DIPK1A: variants seen among roughly 807,000 people sequenced by gnomAD.
The protein encoded by DIPK1A is divergent protein kinase domain 1A.
In DIPK1A, 27 loss-of-function variants were observed where a neutral mutation model predicts 40.8. The observed-to-expected ratio is 0.66, with a 90% CI of 0.49 to 0.91. The LOEUF (loss-of-function observed/expected upper bound fraction) is 0.91, where lower values mean the gene tolerates loss of function less well. Among genes scored for constraint, DIPK1A ranks in the 40% least tolerant of loss-of-function variants. The pLI, the probability that DIPK1A is intolerant of heterozygous loss-of-function variation, is 0.00. For missense variants in DIPK1A, 412 were observed against 505.7 expected, an observed-to-expected ratio of 0.81 and a Z score of 1.78; for synonymous variants, 166 against 171.3, an observed-to-expected ratio of 0.97 and a Z score of 0.24.
chr1:92,865,599 T>C (rs1647497858), intron 2 of DIPK1A, among the ~76,000 whole-genome samples: 1 of 152,186 alleles, frequency 6.6e-6, no homozygotes, highest in African/African-American at 2.4e-5. Flanking sequence ...TAAAAGCCTA[T>C]TATCCATCTC....
intron 1 of DIPK1A, among the ~76,000 whole-genome samples, chr1:92,891,391 T>C (rs1176700063): frequency 1.3e-5 from 2 of 151,840 alleles, no homozygotes; most frequent in Non-Finnish European, 1.5e-5. Context: ...TGTTAATTCA[T>C]TTATTTAAAA....
intron 1 of DIPK1A, among the ~76,000 whole-genome samples, chr1:92,883,434 T>G (rs1648469763): frequency 6.6e-6 from 1 of 152,168 alleles, no homozygotes; most frequent in Admixed American, 6.5e-5. Flanking sequence ...TCTAAAAACT[T>G]GGAGGCTTAA....
chr1:92,839,563 C>G (rs1687270773), downstream of DIPK1A, among the ~76,000 whole-genome samples: 1 of 152,100 alleles, frequency 6.6e-6, no homozygotes, highest in Admixed American at 6.5e-5. Flanking sequence ...AAACAAAAGT[C>G]TAGGGATTGT....
chr1:92,900,272 A>T (rs969091181), intron 1 of DIPK1A, among the ~76,000 whole-genome samples: 11 of 151,898 alleles, frequency 7.2e-5, no homozygotes, highest in African/African-American at 2.4e-4. Flanking sequence ...ATGGTGTCCC[A>T]TAAGTCTTGC....
rs748918083 is a variant in DIPK1A at position 92,961,454 on chromosome 1, G to C, written c.-25C>G. The C allele has an allele frequency of 2.0e-6, 3 of 1,471,762 alleles. No homozygotes were observed. Among genetic ancestry groups the C allele is most frequent in the East Asian group, 3.2e-5 (1 of 31,074 alleles). 91.2% of individuals were successfully genotyped at this position (1,471,762 alleles called of 1,614,324 possible). On this transcript the variant is annotated 5_prime_UTR_variant, in exon 1 of 5. Transcript: ENST00000370310. ...TGGTAATCACACATCGCCCCGCCGCGCTGCAGTCAGAGGCGGACCCGAGCG... is the reference window on the plus strand; with the variant it reads ...TGGTAATCACACATCGCCCCGCCGCCCTGCAGTCAGAGGCGGACCCGAGCG...
chr1:92,909,389 C>T (rs1443486554), intron 1 of DIPK1A, among the ~76,000 whole-genome samples: 1 of 152,118 alleles, frequency 6.6e-6, no homozygotes, highest in African/African-American at 2.4e-5. Flanking sequence ...AAAATACACA[C>T]AATAAAAGCC....
intron 3 of DIPK1A, among the ~76,000 whole-genome samples, chr1:92,850,337 A>C (rs1405936261): frequency 6.6e-6 from 1 of 152,082 alleles, no homozygotes; most frequent in Non-Finnish European, 1.5e-5. Context: ...ACAGAAAAAA[A>C]AAAACAAAAC....
rs201933033 is a variant in DIPK1A, at chr1:92,836,436, T to A, written c.475-3402A>T. 2.2e-4 allele frequency: 341 copies of A among 1,560,472 alleles called. No homozygotes were observed. In the African/African-American group the frequency reaches 4.2e-3, roughly 19 times the overall value. On this transcript the variant is annotated intron_variant, in intron 4 of 4. Transcript: ENST00000615519. ...ACCTTGGTGCCTGGACCGTGGTACT[T>A]CCCTGTTTTTAACTAGTTGGACTGT...
chr1:92,948,968 C>A (rs1388081325), intron 1 of DIPK1A, among the ~76,000 whole-genome samples: 2 of 151,224 alleles, frequency 1.3e-5, no homozygotes, highest in Non-Finnish European at 2.9e-5. Context: ...CCATACCCGG[C>A]TAATTTTTTG....
chr1:92,832,970 GGCATCACTGA>G (rs778009669), exon 5 of DIPK1A: 96 of 725,168 alleles, frequency 1.3e-4, no homozygotes, highest in East Asian at 6.6e-4. Flanking sequence ...ACCGACGTTT[GGCATCACTGA>G]TTGCTGTCTG....
intron 1 of DIPK1A, among the ~76,000 whole-genome samples, chr1:92,924,431 G>A (rs1247219051): frequency 6.6e-6 from 1 of 151,984 alleles, no homozygotes; most frequent in African/African-American, 2.4e-5. Flanking sequence ...GCTGTTCAGG[G>A]CGCCACTATA....
chr1:92,957,376 C>T (rs561397272), intron 1 of DIPK1A, among the ~76,000 whole-genome samples: 13 of 152,336 alleles, frequency 8.5e-5, no homozygotes, highest in Non-Finnish European at 1.5e-4. Context: ...CTACTCTGTT[C>T]AATGTGCTGC....
intron 1 of DIPK1A, among the ~76,000 whole-genome samples, chr1:92,911,797 T>C (rs1223741934): frequency 6.6e-6 from 1 of 151,800 alleles, no homozygotes. Context: ...GGTCAGGAGT[T>C]TGAGACCAGC....
downstream of DIPK1A, among the ~76,000 whole-genome samples, chr1:92,838,228 T>C (rs1311563718): frequency 6.6e-6 from 1 of 152,254 alleles, no homozygotes; most frequent in Non-Finnish European, 1.5e-5. Flanking sequence ...CTGTTATTTC[T>C]ATGCTTTGGA....
chr1:92,941,449 A>G (rs1651146672), intron 1 of DIPK1A, among the ~76,000 whole-genome samples: 1 of 152,208 alleles, frequency 6.6e-6, no homozygotes, highest in South Asian at 2.1e-4. Flanking sequence ...GCCTTCTTTC[A>G]GTTCTGTTGA....
At chr1:92,914,437 G>C (rs1649962002) in intron 1 of DIPK1A, among the ~76,000 whole-genome samples, 1 of 152,032 alleles carries the variant, frequency 6.6e-6, no homozygotes, top group Admixed American at 6.6e-5. Context: ...AAGAAATACA[G>C]CACAGGAGGC....
chr1:92,837,707 G>A, downstream of DIPK1A: 1 of 1,259,924 alleles, frequency 7.9e-7, no homozygotes, highest in Admixed American at 1.8e-5. Context: ...TTGGGGGCAG[G>A]TAACATTCTT....
intron 1 of DIPK1A, among the ~76,000 whole-genome samples, chr1:92,940,191 G>A (rs1651098980): frequency 6.6e-6 from 1 of 152,108 alleles, no homozygotes; most frequent in Non-Finnish European, 1.5e-5. Flanking sequence ...CTTTCAGGGT[G>A]ATTTCTGGGA....
At chr1:92,857,621 C>G (rs895953677) in intron 2 of DIPK1A, among the ~76,000 whole-genome samples, 1 of 152,128 alleles carries the variant, frequency 6.6e-6, no homozygotes, top group South Asian at 2.1e-4. Context: ...CCGTGCCCGG[C>G]TGTCATATTG....
Sources: gnomAD v4.1 joint callset for allele counts (sites outside exome capture counted in the v4.1 genomes callset) on GRCh38, gnomAD v4.1.1 for gene constraint, MANE v1.5 for transcripts, NCBI Gene and HGNC (gene_info 2026-07-23, HGNC 2026-07-21) for gene names.